PRKCB: variants seen among roughly 807,000 people sequenced by gnomAD.
PRKCB encodes the protein protein kinase C beta type.
PRKCB carries 13 observed loss-of-function variants against 81.5 expected under a neutral mutation model. The ratio of observed to expected loss-of-function variants is 0.16; its 90% CI spans 0.10 to 0.25. The LOEUF is 0.25. Ranked by LOEUF, PRKCB falls within the 10% of genes least tolerant of loss-of-function variation. The pLI is 1.00. For missense variants in PRKCB, 509 were observed against 875.7 expected, an observed-to-expected ratio of 0.58 and a Z score of 5.29; for synonymous variants, 335 against 321.4, an observed-to-expected ratio of 1.04 and a Z score of -0.45.
chr16:24,034,108 G>A (rs1054750490), intron 4 of PRKCB, among the ~76,000 whole-genome samples: 17 of 152,198 alleles, frequency 1.1e-4, no homozygotes, highest in Non-Finnish European at 1.9e-4. Context: ...GGACAGTGAG[G>A]TTGGAGCCTT....
At chr16:24,077,540 A>G (rs1291466395) in intron 5 of PRKCB, among the ~76,000 whole-genome samples, 1 of 151,900 alleles carries the variant, frequency 6.6e-6, no homozygotes, top group East Asian at 1.9e-4. Context: ...TCATCCATAC[A>G]TTCATTCATC....
intron 5 of PRKCB, among the ~76,000 whole-genome samples, chr16:24,084,372 AG>A (rs1966288202): frequency 6.6e-6 from 1 of 152,170 alleles, no homozygotes; most frequent in Non-Finnish European, 1.5e-5. Context: ...TCATGAACCT[AG>A]GGCCAAAATG....
chr16:23,990,285 C>T (rs1049178373), intron 3 of PRKCB, among the ~76,000 whole-genome samples: 5 of 151,756 alleles, frequency 3.3e-5, no homozygotes, highest in East Asian at 1.9e-4. Flanking sequence ...GGTGAAACCC[C>T]GTCTCTACTA....
At chr16:24,179,287 A>G (rs561656853) in intron 12 of PRKCB, among the ~76,000 whole-genome samples, 1 of 152,346 alleles carries the variant, frequency 6.6e-6, no homozygotes, top group East Asian at 1.9e-4. Context: ...AAGCCATGTT[A>G]CACCCATGTT....
rs1277795320 is a variant in PRKCB, at chr16:24,215,143, C to T, written c.*327C>T. ...TTTCTTTCCCTCTTTTTCTGCACTG[C>T]CATATTCACCCCCAACCATCCAATC... On this transcript the variant is annotated 3_prime_UTR_variant, in exon 17 of 17. Coordinates refer to ENST00000643927, the MANE Select transcript of PRKCB (RefSeq NM_002738.7). 16 of 1,083,532 alleles carry T rather than the reference C, an allele frequency of 1.5e-5. No homozygotes were observed. The highest frequency in any genetic ancestry group is 1.7e-5 in the Non-Finnish European group (15 of 888,470). 67.1% of individuals were successfully genotyped at this position (1,083,532 alleles called of 1,614,324 possible).
chr16:23,983,428 GGTAATTGGAA>G (rs1964763608), intron 2 of PRKCB, among the ~76,000 whole-genome samples: 2 of 152,090 alleles, frequency 1.3e-5, no homozygotes, highest in Non-Finnish European at 2.9e-5. Context: ...CATTTCTGTG[GGTAATTGGAA>G]GCCTACCTAA....
chr16:23,842,718 A>G (rs1962288104), intron 2 of PRKCB, among the ~76,000 whole-genome samples: 1 of 152,204 alleles, frequency 6.6e-6, no homozygotes, highest in South Asian at 2.1e-4. Context: ...ATGTTTTTAA[A>G]TCTTCTAATT....
intron 2 of PRKCB, among the ~76,000 whole-genome samples, chr16:23,900,869 G>A (rs546348961): frequency 3.3e-5 from 5 of 152,088 alleles, no homozygotes; most frequent in African/African-American, 7.2e-5. Context: ...GTGCAAGTAC[G>A]TCTGTAATCC....
chr16:24,043,603 G>A (rs1965729138), intron 5 of PRKCB, among the ~76,000 whole-genome samples: 1 of 152,100 alleles, frequency 6.6e-6, no homozygotes, highest in Admixed American at 6.5e-5. Flanking sequence ...AGTGTCTCAG[G>A]CACTGAAGTT....
intron 2 of PRKCB, among the ~76,000 whole-genome samples, chr16:23,961,204 A>G (rs1459615914): frequency 2.0e-5 from 3 of 152,156 alleles, no homozygotes; most frequent in Admixed American, 6.5e-5. Flanking sequence ...CACTGTGCCC[A>G]TCTTTCTTTT....
chr16:24,011,187 A>C (rs1179397058), intron 3 of PRKCB, among the ~76,000 whole-genome samples: 1 of 151,756 alleles, frequency 6.6e-6, no homozygotes, highest in Non-Finnish European at 1.5e-5. Context: ...TTTTTTTTTA[A>C]ATTGGAGGTA....
chr16:24,073,051 G>A, intron 5 of PRKCB, among the ~76,000 whole-genome samples: 1 of 152,194 alleles, frequency 6.6e-6, no homozygotes, highest in South Asian at 2.1e-4. Flanking sequence ...AATACCACCA[G>A]ATGTCCTCTG....
intron 2 of PRKCB, among the ~76,000 whole-genome samples, chr16:23,955,189 T>C (rs987641161): frequency 6.7e-6 from 1 of 149,972 alleles, no homozygotes; most frequent in Non-Finnish European, 1.5e-5. Context: ...ACCACTGCAC[T>C]CCAGCCTGGG....
At position 24,057,556 on chromosome 16, in the gene PRKCB, C is replaced by T. The variant is rs113767263; in HGVS notation, c.529+22009C>T. ...GTAGGAATGAATATGATTCTTTACA[C>T]GCTGAGTATTTCATAGCCCTACTAA... On this transcript the variant is annotated intron_variant, in intron 5 of 16. Transcript: ENST00000643927. Among the ~76,000 whole-genome samples the T allele has an allele frequency of 4.2e-3, 640 of 152,266 alleles. 3 individuals carry two copies. Among genetic ancestry groups the T allele is most frequent in the African/African-American group, 0.015 (605 of 41,538 alleles).
chr16:23,863,143 T>A (rs967226943), intron 2 of PRKCB, among the ~76,000 whole-genome samples: 2 of 147,548 alleles, frequency 1.4e-5, no homozygotes, highest in African/African-American at 4.9e-5. Context: ...TGCATGTGTA[T>A]GTGTATATAT....
intron 5 of PRKCB, among the ~76,000 whole-genome samples, chr16:24,048,124 T>TA (rs1205578245): frequency 6.6e-6 from 1 of 152,174 alleles, no homozygotes; most frequent in African/African-American, 2.4e-5. Context: ...GCTTTACCAC[T>TA]ACCAACAAAA....
chr16:23,978,886 A>G lies in PRKCB; in HGVS notation c.206-9622A>G, dbSNP rs529690519. 4.6e-5 allele frequency among the ~76,000 whole-genome samples: 7 copies of G among 152,310 alleles called. No individual in the cohort carries two copies. The South Asian group carries it at 1.2e-3, about 27-fold the overall frequency. On this transcript the variant is annotated intron_variant, in intron 2 of 16. Coordinates refer to ENST00000643927, the MANE Select transcript of PRKCB (RefSeq NM_002738.7). ...TTGGCATTTTAGATTTTATTTAATT[A>G]ATTTACTTTTACATAGCTCCATGTG...
At chr16:24,197,683 T>C (rs1596594716) in intron 16 of PRKCB, among the ~76,000 whole-genome samples, 1 of 152,206 alleles carries the variant, frequency 6.6e-6, no homozygotes, top group South Asian at 2.1e-4. Context: ...CTTGCCATAA[T>C]CCAGGCAAAA....
At chr16:24,038,763 A>G (rs1240859617) in intron 5 of PRKCB, among the ~76,000 whole-genome samples, 1 of 152,236 alleles carries the variant, frequency 6.6e-6, no homozygotes, top group Non-Finnish European at 1.5e-5. Flanking sequence ...TCAGGCAGGG[A>G]AAAAGCTTGG....
Sources: gnomAD v4.1 joint callset for allele counts (sites outside exome capture counted in the v4.1 genomes callset) on GRCh38, gnomAD v4.1.1 for gene constraint, MANE v1.5 for transcripts, NCBI Gene and HGNC (gene_info 2026-07-23, HGNC 2026-07-21) for gene names.